The following PDE8A variants were observed in gnomAD, a reference collection of about 807,000 sequenced individuals.
The protein encoded by PDE8A is phosphodiesterase 8A.
PDE8A carries 59 observed loss-of-function variants against 105.0 expected under a neutral mutation model. That is an observed-to-expected ratio of 0.56 (90% confidence interval 0.46 to 0.70). The LOEUF is 0.70. Among genes scored for constraint, PDE8A ranks in the 30% least tolerant of loss-of-function variants. The pLI is 0.00. For missense variants in PDE8A, 1,014 were observed against 1,045.9 expected (o/e 0.97, Z 0.42); for synonymous variants, 355 against 371.9 (o/e 0.95, Z 0.52).
At chr15:85,065,483 T>TA (rs573642824) in intron 2 of PDE8A, among the ~76,000 whole-genome samples, 34,990 of 141,842 alleles carry the variant, frequency 0.25, 4,133 homozygotes, top group East Asian at 0.36. Context: ...AAAGTATAAT[T>TA]AAAAAAAAAA....
At chr15:85,059,729 G>A (rs2081115327) in intron 1 of PDE8A, among the ~76,000 whole-genome samples, 1 of 152,032 alleles carries the variant, frequency 6.6e-6, no homozygotes. Flanking sequence ...ATGTCTTATA[G>A]ACCACATATA....
intron 2 of PDE8A, among the ~76,000 whole-genome samples, chr15:85,065,399 G>A (rs971234247): frequency 6.6e-6 from 1 of 150,570 alleles, no homozygotes; most frequent in Admixed American, 6.6e-5. Flanking sequence ...GAGTTAGTGG[G>A]TGCAGCGCAC....
At chr15:85,031,555 T>C (rs183503904) in intron 1 of PDE8A, among the ~76,000 whole-genome samples, 1 of 152,202 alleles carries the variant, frequency 6.6e-6, no homozygotes, top group Admixed American at 6.5e-5. Context: ...CCATAGCTGT[T>C]TATAGCACAC....
intron 1 of PDE8A, among the ~76,000 whole-genome samples, chr15:85,000,866 C>T (rs2080056786): frequency 6.6e-6 from 1 of 152,184 alleles, no homozygotes. Context: ...TTTTATCCCA[C>T]CTTATCCATT....
chr15:85,096,257 T>C (rs565541158), intron 8 of PDE8A, among the ~76,000 whole-genome samples: 9 of 152,226 alleles, frequency 5.9e-5, no homozygotes, highest in Admixed American at 2.0e-4. Flanking sequence ...AACAGTTTTA[T>C]TGAGATGTAA....
chr15:85,064,397 C>T lies in PDE8A; in HGVS notation c.214C>T (p.Pro72Ser), dbSNP rs565778413. ...KVAVADVQFG[P>S]MRFHQDQLQV... ...AGCAGTAGCTGATGTGCAGTTTGGC[C>T]CCATGAGATTTCATCAAGATCAACT... The change falls in exon 2 of 22, where the codon CCC (proline) becomes TCC (serine). Residue 72 changes from proline to serine, a missense_variant. Pro to Ser is a moderately conservative substitution (Grantham distance 74). Coordinates refer to ENST00000394553, the MANE Select transcript of PDE8A (RefSeq NM_002605.3). 4 of 1,609,952 alleles carry T rather than the reference C, an allele frequency of 2.5e-6. No homozygotes were observed. The highest frequency in any genetic ancestry group is 2.7e-5 in the African/African-American group (2 of 74,906).
chr15:84,992,460 T>G (rs2079901546), intron 1 of PDE8A, among the ~76,000 whole-genome samples: 2 of 152,208 alleles, frequency 1.3e-5, no homozygotes, highest in Admixed American at 1.3e-4. Context: ...GAGTTTGAAG[T>G]CCATCCTATA....
chr15:85,012,333 T>C, intron 1 of PDE8A, among the ~76,000 whole-genome samples: 1 of 151,894 alleles, frequency 6.6e-6, no homozygotes, highest in South Asian at 2.1e-4. Context: ...ATTAAGAAAA[T>C]GTGGCACATA....
intron 1 of PDE8A, among the ~76,000 whole-genome samples, chr15:85,025,826 G>A (rs1391180438): frequency 6.6e-6 from 1 of 152,100 alleles, no homozygotes; most frequent in Non-Finnish European, 1.5e-5. Flanking sequence ...CTTGAGACTC[G>A]GGCCAGAACA....
intron 17 of PDE8A, among the ~76,000 whole-genome samples, chr15:85,119,701 A>C (rs1222751766): frequency 6.6e-6 from 1 of 152,104 alleles, no homozygotes; most frequent in African/African-American, 2.4e-5. Flanking sequence ...CAACACAACA[A>C]AATAGAATAA....
At chr15:84,994,072 A>G (rs1021577203) in intron 1 of PDE8A, among the ~76,000 whole-genome samples, 9 of 152,012 alleles carry the variant, frequency 5.9e-5, no homozygotes, top group African/African-American at 1.9e-4. Context: ...CTTTTCTTTT[A>G]CTTCCCCTCT....
chr15:85,044,739 T>A (rs1247839757), intron 1 of PDE8A, among the ~76,000 whole-genome samples: 1 of 152,218 alleles, frequency 6.6e-6, no homozygotes, highest in East Asian at 1.9e-4. Flanking sequence ...TGCAGAAGCT[T>A]CCTTATTGGC....
At position 85,109,147 on chromosome 15, in the gene PDE8A, A is replaced by G; in HGVS notation, c.1114+17A>G. The G allele has an allele frequency of 6.3e-7, 1 of 1,575,966 alleles. No individual in the cohort carries two copies. The highest frequency in any genetic ancestry group is 8.7e-7 in the Non-Finnish European group (1 of 1,146,160). On this transcript the variant is annotated intron_variant, in intron 12 of 21. Transcript: ENST00000394553. ...CAACTGAAGGTGAGTGACAAAGACA[A>G]GAGAAAAAAATGTGATCAAATCACT...
At chr15:85,020,312 AAAC>A (rs1294910359) in intron 1 of PDE8A, among the ~76,000 whole-genome samples, 3 of 152,110 alleles carry the variant, frequency 2.0e-5, no homozygotes, top group Non-Finnish European at 2.9e-5. Flanking sequence ...GGCATTAAGA[AAAC>A]AACAAGGGCC....
In PDE8A at chr15:84,982,149, G is replaced by T; in HGVS notation, c.-14G>T. 7.5e-7 allele frequency: 1 copy of T among 1,331,838 alleles called. No homozygotes were observed. Among genetic ancestry groups the T allele is most frequent in the South Asian group, 2.0e-5 (1 of 50,848 alleles). The allele number at this position is 1,331,838 out of a possible 1,614,324, so 82.5% of individuals were successfully genotyped here. ...GCGGCTACCCGCCAGCGTGTCCGCGGCGCCGCCGCCAGCATGGGCTGTGCC... is the reference window on the plus strand; with the variant it reads ...GCGGCTACCCGCCAGCGTGTCCGCGTCGCCGCCGCCAGCATGGGCTGTGCC... On this transcript the variant is annotated 5_prime_UTR_variant, in exon 1 of 22. Coordinates refer to ENST00000394553, the MANE Select transcript of PDE8A (RefSeq NM_002605.3).
intron 1 of PDE8A, among the ~76,000 whole-genome samples, chr15:84,984,079 C>G (rs1322689210): frequency 6.6e-6 from 1 of 152,206 alleles, no homozygotes; most frequent in African/African-American, 2.4e-5. Context: ...TTACTGATTT[C>G]TTAAAAAATT....
chr15:84,980,662 G>C (rs1215239198), upstream of PDE8A: 1 of 152,366 alleles, frequency 6.6e-6, no homozygotes, highest in Non-Finnish European at 1.5e-5. Context: ...CAGCTGGTGG[G>C]GGAGGAGCCC....
At chr15:85,074,342 A>G (rs2081353251) in intron 3 of PDE8A, among the ~76,000 whole-genome samples, 1 of 152,232 alleles carries the variant, frequency 6.6e-6, no homozygotes, top group South Asian at 2.1e-4. Flanking sequence ...ACAAGAGTCC[A>G]TATGGCCTGC....
chr15:85,067,467 C>T (rs531436820), intron 3 of PDE8A, among the ~76,000 whole-genome samples: 2 of 152,236 alleles, frequency 1.3e-5, no homozygotes, highest in Admixed American at 1.3e-4. Flanking sequence ...TAATTAACCA[C>T]AAGTATCACT....
Sources: gnomAD v4.1 joint callset for allele counts (sites outside exome capture counted in the v4.1 genomes callset) on GRCh38, gnomAD v4.1.1 for gene constraint, MANE v1.5 for transcripts, NCBI Gene and HGNC (gene_info 2026-07-23, HGNC 2026-07-21) for gene names.